The following NUBPL variants were observed in gnomAD, a reference collection of about 807,000 sequenced individuals.
NUBPL encodes the protein iron-sulfur cluster transfer protein NUBPL.
In NUBPL, 31 loss-of-function variants were observed where a neutral mutation model predicts 45.7. The observed-to-expected ratio is 0.68, with a 90% CI of 0.51 to 0.92. The LOEUF (loss-of-function observed/expected upper bound fraction) is 0.92, where lower values mean the gene tolerates loss of function less well. Ranked by LOEUF, NUBPL falls within the 40% of genes least tolerant of loss-of-function variation. The pLI is 0.00. For missense variants in NUBPL, 401 were observed against 398.7 expected, an observed-to-expected ratio of 1.01 and a Z score of -0.05; for synonymous variants, 144 against 140.9, an observed-to-expected ratio of 1.02 and a Z score of -0.15.
intron 3 of NUBPL, among the ~76,000 whole-genome samples, chr14:31,580,311 A>G (rs1255527005): frequency 6.6e-6 from 1 of 152,186 alleles, no homozygotes; most frequent in African/African-American, 2.4e-5. Context: ...AAATAATAAA[A>G]AAGTGTAAGG....
chr14:31,656,450 T>C (rs116847532), intron 4 of NUBPL, among the ~76,000 whole-genome samples: 3,486 of 152,326 alleles, frequency 0.023, 70 homozygotes, highest in Non-Finnish European at 0.032. Flanking sequence ...AGCATAATCA[T>C]GTGTATCTTT....
chr14:31,589,412 T>C (rs1208386693), intron 3 of NUBPL, among the ~76,000 whole-genome samples: 1 of 152,158 alleles, frequency 6.6e-6, no homozygotes, highest in Non-Finnish European at 1.5e-5. Context: ...TAAGCAATTA[T>C]GCTAATGGAA....
rs146897610 is a variant in NUBPL, at chr14:31,721,264, G to A, written c.513+47690G>A. On this transcript the variant is annotated intron_variant, in intron 6 of 10. Coordinates refer to ENST00000281081, the MANE Select transcript of NUBPL (RefSeq NM_025152.3). The stretch of plus-strand genomic sequence containing the variant: ...GGATATCTAAATATCTAAATACTGG[G>A]GAATTAAGTATGTTTGCCTTATAGA... Among the ~76,000 whole-genome samples the A allele has an allele frequency of 5.9e-5, 9 of 152,072 alleles. No individual in the cohort carries two copies. In the East Asian group the frequency reaches 1.5e-3, roughly 26 times the overall value.
rs549225046 is a variant in NUBPL at position 31,651,260 on chromosome 14, G to A, written c.383-22095G>A. Among the ~76,000 whole-genome samples, 4 of 152,244 alleles carry A rather than the reference G, an allele frequency of 2.6e-5. No individual in the cohort carries two copies. In the East Asian group the frequency reaches 7.7e-4, roughly 29 times the overall value. ...CAATTCTTGTGCCTCAGCCAACTGA[G>A]TAGCTGGGATTAAGGCTGGTCTCAA... On this transcript the variant is annotated intron_variant, in intron 4 of 10. Transcript: ENST00000281081.
chr14:31,644,145 T>C (rs569473568), intron 4 of NUBPL, among the ~76,000 whole-genome samples: 2 of 152,176 alleles, frequency 1.3e-5, no homozygotes, highest in East Asian at 1.9e-4. Context: ...ATTTCATTTA[T>C]TTTTGCCCTG....
intron 3 of NUBPL, among the ~76,000 whole-genome samples, chr14:31,571,327 A>T (rs1345844480): frequency 6.6e-6 from 1 of 151,360 alleles, no homozygotes; most frequent in Non-Finnish European, 1.5e-5. Flanking sequence ...GATCTGTCAA[A>T]AAAAAAAAAA....
chr14:31,798,233 A>T lies in NUBPL; in HGVS notation c.607+10360A>T, dbSNP rs1288266343. ...GTATATGTTAAAGGAAGCATTTTTC[A>T]AGGAAACGTGCATTTTATTTTATTT... On this transcript the variant is annotated intron_variant, in intron 7 of 10. Coordinates refer to ENST00000281081, the MANE Select transcript of NUBPL (RefSeq NM_025152.3). 2.0e-5 allele frequency among the ~76,000 whole-genome samples: 3 copies of T among 151,548 alleles called. No individual in the cohort carries two copies. The East Asian group carries it at 5.8e-4, about 29-fold the overall frequency.
chr14:31,709,780 T>C (rs934358808), intron 6 of NUBPL, among the ~76,000 whole-genome samples: 13 of 152,160 alleles, frequency 8.5e-5, no homozygotes, highest in African/African-American at 3.1e-4. Context: ...GAAGGGGACA[T>C]AACCGATAGC....
chr14:31,788,127 A>G (rs1182955522), intron 7 of NUBPL, among the ~76,000 whole-genome samples: 1 of 152,222 alleles, frequency 6.6e-6, no homozygotes. Context: ...GAATTTGTCC[A>G]AGAGACAATT....
At chr14:31,603,933 C>G (rs1488685574) in intron 4 of NUBPL, among the ~76,000 whole-genome samples, 1 of 151,990 alleles carries the variant, frequency 6.6e-6, no homozygotes, top group African/African-American at 2.4e-5. Flanking sequence ...TTATGTTTGT[C>G]TCTTGATTAA....
At chr14:31,688,293 C>G (rs2037001838) in intron 6 of NUBPL, among the ~76,000 whole-genome samples, 1 of 152,124 alleles carries the variant, frequency 6.6e-6, no homozygotes, top group Non-Finnish European at 1.5e-5. Flanking sequence ...AAGTAAATCA[C>G]TGGGCCAGGC....
At chr14:31,697,454 T>C (rs1566507167) in intron 6 of NUBPL, among the ~76,000 whole-genome samples, 1 of 152,266 alleles carries the variant, frequency 6.6e-6, no homozygotes, top group Non-Finnish European at 1.5e-5. Context: ...TACAATGTCC[T>C]ATTTCTACCT....
At chr14:31,858,777 C>G (rs928349786) in intron 10 of NUBPL, among the ~76,000 whole-genome samples, 1 of 151,310 alleles carries the variant, frequency 6.6e-6, no homozygotes, top group African/African-American at 2.5e-5. Context: ...GTCTCTAACT[C>G]AATATATCAA....
At position 31,798,063 on chromosome 14, in the gene NUBPL, C is replaced by G. The variant is rs552041595; in HGVS notation, c.607+10190C>G. Among the ~76,000 whole-genome samples, 334 of 148,622 alleles carry G rather than the reference C, an allele frequency of 2.2e-3. 8 individuals are homozygous for G. The highest frequency in any genetic ancestry group is 8.2e-3 in the African/African-American group (317 of 38,662). On this transcript the variant is annotated intron_variant, in intron 7 of 10. Transcript: ENST00000281081. ...TCTTTAAGAATGTTGAATATTGGCC[C>G]CCACTCTCTTCTGGCTTGTAGGGTT...
intron 4 of NUBPL, among the ~76,000 whole-genome samples, chr14:31,607,360 G>T (rs1278025879): frequency 6.6e-6 from 1 of 150,416 alleles, no homozygotes; most frequent in African/African-American, 2.4e-5. Context: ...TGCAGCCTGG[G>T]TGACAGAGTG....
intron 4 of NUBPL, among the ~76,000 whole-genome samples, chr14:31,651,931 G>T (rs910077336): frequency 9.3e-5 from 14 of 151,328 alleles, no homozygotes; most frequent in African/African-American, 2.9e-4. Context: ...AGAAAAATCT[G>T]CAAAGGATCT....
intron 7 of NUBPL, among the ~76,000 whole-genome samples, chr14:31,793,661 C>T (rs569329888): frequency 1.3e-5 from 2 of 152,228 alleles, no homozygotes; most frequent in Non-Finnish European, 2.9e-5. Flanking sequence ...ATCTTTCCAA[C>T]TAGGCTGGAA....
intron 4 of NUBPL, among the ~76,000 whole-genome samples, chr14:31,645,783 C>A (rs539281647): frequency 7.3e-6 from 1 of 137,434 alleles, no homozygotes; most frequent in Non-Finnish European, 1.6e-5. Flanking sequence ...CACCCCCCCC[C>A]CCACATTTTG....
intron 6 of NUBPL, among the ~76,000 whole-genome samples, chr14:31,756,917 T>A (rs2038679467): frequency 2.0e-5 from 3 of 147,290 alleles, no homozygotes. Context: ...TGAAGGGTTG[T>A]TGAATTTTGT....
Sources: allele counts gnomAD v4.1 joint callset (sites outside exome capture counted in the v4.1 genomes callset), GRCh38; gene constraint gnomAD v4.1.1; transcripts MANE v1.5; gene names NCBI Gene and HGNC (gene_info 2026-07-23, HGNC 2026-07-21).